The following MSH3 variants were observed in gnomAD, a reference collection of about 807,000 sequenced individuals.
The protein encoded by MSH3 is mutS homolog 3.
Under a neutral mutation model 123.3 loss-of-function variants are expected in MSH3, and 106 were observed. That is an observed-to-expected ratio of 0.86 (90% confidence interval 0.73 to 1.01). The LOEUF (loss-of-function observed/expected upper bound fraction) is 1.01. Ranked by LOEUF, MSH3 falls within the 50% of genes least tolerant of loss-of-function variation. MSH3 has a pLI of 0.00. For missense variants in MSH3, 1,459 were observed against 1,347.6 expected (o/e 1.08, Z -1.29); for synonymous variants, 515 against 481.4 (o/e 1.07, Z -0.91).
intron 21 of MSH3, among the ~76,000 whole-genome samples, chr5:80,861,005 T>G (rs1378106499): frequency 6.6e-6 from 1 of 152,182 alleles, no homozygotes; most frequent in Admixed American, 6.5e-5. Context: ...ATCTCTCGTT[T>G]CCTTTTGGTT....
At chr5:80,814,194 T>G (rs1439641529) in intron 20 of MSH3, among the ~76,000 whole-genome samples, 1 of 151,830 alleles carries the variant, frequency 6.6e-6, no homozygotes, top group African/African-American at 2.4e-5. Context: ...TGACTGTTAA[T>G]ACTAGAAAAG....
At position 80,837,554 on chromosome 5, in the gene MSH3, C is replaced by T. The variant is rs147009269; in HGVS notation, c.2814-16576C>T. ...GATCGTACCATTGTACTCCAGCCTGCGTAACAGAGCCAGACCTTGTCTAAA... is the reference window on the plus strand; with the variant it reads ...GATCGTACCATTGTACTCCAGCCTGTGTAACAGAGCCAGACCTTGTCTAAA... On this transcript the variant is annotated intron_variant, in intron 20 of 23. Coordinates refer to ENST00000265081, the MANE Select transcript of MSH3 (RefSeq NM_002439.5). 7.0e-3 allele frequency among the ~76,000 whole-genome samples: 1,053 copies of T among 150,592 alleles called. 11 individuals are homozygous for T. The highest frequency in any genetic ancestry group is 0.024 in the African/African-American group (995 of 41,114).
chr5:80,655,926 C>A (rs36231428), intron 1 of MSH3, among the ~76,000 whole-genome samples: 2 of 152,188 alleles, frequency 1.3e-5, no homozygotes, highest in African/African-American at 4.8e-5. Context: ...AGAAAAAATT[C>A]ATAATCTTGT....
At chr5:80,671,822 AT>A (rs1168341436) in intron 4 of MSH3, among the ~76,000 whole-genome samples, 2 of 152,092 alleles carry the variant, frequency 1.3e-5, no homozygotes, top group Non-Finnish European at 2.9e-5. Context: ...TTTTTCAATG[AT>A]TTCTCTGTCC....
intron 12 of MSH3, among the ~76,000 whole-genome samples, chr5:80,757,794 T>C (rs1743955349): frequency 6.6e-6 from 1 of 152,310 alleles, no homozygotes; most frequent in South Asian, 2.1e-4. Flanking sequence ...TTCTCTATTG[T>C]GTGGCCTGAC....
At chr5:80,676,605 A>T (rs1427009208) in intron 7 of MSH3, among the ~76,000 whole-genome samples, 1 of 152,310 alleles carries the variant, frequency 6.6e-6, no homozygotes, top group Non-Finnish European at 1.5e-5. Context: ...TTTTGACTGC[A>T]TAACTCTGTG....
chr5:80,829,319 A>G (rs1745379100), intron 20 of MSH3, among the ~76,000 whole-genome samples: 1 of 152,214 alleles, frequency 6.6e-6, no homozygotes. Flanking sequence ...GGCTGATCCT[A>G]GTTGGAAAAG....
intron 20 of MSH3, among the ~76,000 whole-genome samples, chr5:80,836,543 C>CAAAAAAAAA (rs71603568): frequency 1.7e-5 from 2 of 118,810 alleles, no homozygotes; most frequent in Non-Finnish European, 3.4e-5. Context: ...GAATATGCCA[C>CAAAAAAAAA]AAAAAAAAAA....
chr5:80,841,950 T>A (rs903363635), intron 20 of MSH3, among the ~76,000 whole-genome samples: 2 of 152,230 alleles, frequency 1.3e-5, no homozygotes, highest in Non-Finnish European at 2.9e-5. Context: ...TTGCCATTGC[T>A]TTTGGTGTTT....
Position 80,712,505 on chromosome 5 carries a change from AGTT to A in MSH3, c.1341-12941_1341-12939del, listed in dbSNP as rs372148608. On this transcript the variant is annotated intron_variant, in intron 8 of 23. Transcript: ENST00000265081. ...ATTCACCTAATATATACCTCTAGGC[AGTT>A]GTTGTTTTTCAGCCATCTTTTTAAT... Among the ~76,000 whole-genome samples the A allele has an allele frequency of 2.4e-4, 36 of 152,094 alleles. No homozygotes were observed. In the South Asian group the frequency reaches 6.2e-3, roughly 26 times the overall value.
At position 80,736,191 on chromosome 5, in the gene MSH3, A is replaced by C. The variant is rs565027087; in HGVS notation, c.1569-5273A>C. Among the ~76,000 whole-genome samples the C allele has an allele frequency of 6.9e-4, 105 of 152,116 alleles. 1 individual carries two copies. Among genetic ancestry groups the C allele is most frequent in the African/African-American group, 2.4e-3 (100 of 41,486 alleles). On this transcript the variant is annotated intron_variant, in intron 10 of 23. Transcript: ENST00000265081. ...CAGTGAGCCGAGATCGCGCCATTGC[A>C]CTCCAACCTGGGTGACTGAGCGAGA...
intron 13 of MSH3, among the ~76,000 whole-genome samples, chr5:80,764,382 C>CT (rs200129912): frequency 0.13 from 19,109 of 147,510 alleles, 1,704 homozygotes; most frequent in East Asian, 0.33. Context: ...TCTTCTTCTT[C>CT]TTTTTTTTTT....
chr5:80,817,571 A>T (rs181412676), intron 20 of MSH3, among the ~76,000 whole-genome samples: 146 of 152,220 alleles, frequency 9.6e-4, no homozygotes, highest in Middle Eastern at 3.4e-3. Flanking sequence ...AAAAATAAAT[A>T]AATTAATTAA....
chr5:80,663,916 CAG>C (rs1749505673), intron 2 of MSH3, among the ~76,000 whole-genome samples: 1 of 152,036 alleles, frequency 6.6e-6, no homozygotes, highest in African/African-American at 2.4e-5. Context: ...CTCTTGCCCT[CAG>C]AGTGTTTTTG....
In MSH3 at chr5:80,817,532, A is replaced by G. The variant is rs73765882; in HGVS notation, c.2813+3791A>G. On this transcript the variant is annotated intron_variant, in intron 20 of 23. Transcript: ENST00000265081. ...GTACTTCAATGGGATATCCAGTGGGATATGTTATTTCCAAGAATTTATTAT... is the reference window on the plus strand; with the variant it reads ...GTACTTCAATGGGATATCCAGTGGGGTATGTTATTTCCAAGAATTTATTAT... 2.2e-3 allele frequency among the ~76,000 whole-genome samples: 336 copies of G among 152,260 alleles called. 2 individuals are homozygous for G. Among genetic ancestry groups the G allele is most frequent in the African/African-American group, 6.4e-3 (267 of 41,538 alleles).
intron 7 of MSH3, among the ~76,000 whole-genome samples, chr5:80,678,310 T>G (rs1436116433): frequency 6.6e-6 from 1 of 152,234 alleles, no homozygotes; most frequent in Non-Finnish European, 1.5e-5. Flanking sequence ...CAGTTTATCT[T>G]TGCTATTATT....
chr5:80,705,321 G>A (rs896528559), intron 8 of MSH3, among the ~76,000 whole-genome samples: 5 of 152,166 alleles, frequency 3.3e-5, no homozygotes, highest in African/African-American at 9.7e-5. Context: ...AAAAAATGCC[G>A]ATGCCTGAGT....
At chr5:80,679,239 T>C in intron 8 of MSH3, 146 bp downstream of exon 8, 1 of 869,158 alleles carries the variant, frequency 1.2e-6, no homozygotes, top group Non-Finnish European at 1.8e-6. Context: ...AAAAAAAAAG[T>C]AAAACAACAA....
intron 12 of MSH3, among the ~76,000 whole-genome samples, chr5:80,758,472 G>A (rs1743968958): frequency 6.6e-6 from 1 of 152,116 alleles, no homozygotes; most frequent in African/African-American, 2.4e-5. Context: ...GGAGAAACTA[G>A]GACAAGGCTA....
Sources: allele counts gnomAD v4.1 joint callset (sites outside exome capture counted in the v4.1 genomes callset), GRCh38; gene constraint gnomAD v4.1.1; transcripts MANE v1.5; gene names NCBI Gene and HGNC (gene_info 2026-07-23, HGNC 2026-07-21).